Variants in PLCB4 observed in about 807,000 individuals in gnomAD.
The protein encoded by PLCB4 is 1-phosphatidylinositol 4,5-bisphosphate phosphodiesterase beta-4.
In PLCB4, 77 loss-of-function variants were observed where a neutral mutation model predicts 178.8. The observed-to-expected ratio is 0.43, with a 90% CI of 0.36 to 0.52. The LOEUF (loss-of-function observed/expected upper bound fraction) is 0.52, where lower values mean the gene tolerates loss of function less well. Among genes scored for constraint, PLCB4 ranks in the 20% least tolerant of loss-of-function variants. The pLI is 0.00. For synonymous variants in PLCB4, 496 were observed against 490.8 expected, an observed-to-expected ratio of 1.01 and a Z score of -0.14; for missense variants, 1,024 against 1,453.4, an observed-to-expected ratio of 0.70 and a Z score of 4.80.
chr20:9,438,475 T>C (rs1359725979), intron 30 of PLCB4, among the ~76,000 whole-genome samples: 2 of 151,544 alleles, frequency 1.3e-5, no homozygotes, highest in South Asian at 2.1e-4. Context: ...ATCCCAGAGA[T>C]AGATTGTACC....
In PLCB4 at chr20:9,129,325, C is replaced by G. The variant is rs1209150170; in HGVS notation, c.-79+32983C>G. ...ATTGGTGTATAACTATACCAGGTCC[C>G]TTGCTTCTGGGGTGGAATAACTGGA... On this transcript the variant is annotated intron_variant, in intron 2 of 39. Coordinates refer to ENST00000378473, the MANE Select transcript of PLCB4 (RefSeq NM_001377142.1). Among the ~76,000 whole-genome samples, 3 of 152,136 alleles carry G rather than the reference C, an allele frequency of 2.0e-5. No individual in the cohort carries two copies. The East Asian group carries it at 5.8e-4, about 29-fold the overall frequency.
intron 3 of PLCB4, among the ~76,000 whole-genome samples, chr20:9,254,101 G>C (rs961688724): frequency 2.6e-5 from 4 of 152,182 alleles, no homozygotes; most frequent in African/African-American, 9.7e-5. Flanking sequence ...CTTCTGTGCA[G>C]TATACATTTC....
At chr20:9,303,483 G>T (rs950498661) in intron 3 of PLCB4, among the ~76,000 whole-genome samples, 26 of 152,142 alleles carry the variant, frequency 1.7e-4, no homozygotes, top group African/African-American at 5.8e-4. Context: ...ATGTTCTCCA[G>T]TTCCATCCAT....
rs1388548066 is a variant in PLCB4 at position 9,423,745 on chromosome 20, C to T, written c.2320-3C>T. 1 of 1,612,178 alleles carries T rather than the reference C, an allele frequency of 6.2e-7. No homozygotes were observed. The highest frequency in any genetic ancestry group is 1.7e-5 in the Admixed American group (1 of 59,910). On this transcript the variant is annotated splice_polypyrimidine_tract_variant and splice_region_variant and intron_variant, in intron 27 of 39. Transcript: ENST00000378473. The stretch of plus-strand genomic sequence containing the variant: ...ATCAGTGAAAGTCCTGTTCTGTTTG[C>T]AGGTGATCCTGCCGGACCTGGCTGT...
intron 28 of PLCB4, among the ~76,000 whole-genome samples, chr20:9,426,384 A>G (rs988933467): frequency 1.3e-5 from 2 of 151,796 alleles, no homozygotes; most frequent in Non-Finnish European, 2.9e-5. Context: ...CTGTTTGTTT[A>G]TTTATTTATT....
intron 3 of PLCB4, among the ~76,000 whole-genome samples, chr20:9,220,374 T>C (rs2093783405): frequency 6.6e-6 from 1 of 152,220 alleles, no homozygotes; most frequent in Non-Finnish European, 1.5e-5. Context: ...CGGTGGCTCA[T>C]GCCACCCAGC....
At chr20:9,247,394 A>G (rs753248281) in intron 3 of PLCB4, among the ~76,000 whole-genome samples, 83 of 152,184 alleles carry the variant, frequency 5.5e-4, no homozygotes, top group African/African-American at 1.9e-3. Flanking sequence ...TAGGCAAGAC[A>G]TTTCTGAACA....
intron 1 of PLCB4, among the ~76,000 whole-genome samples, chr20:9,087,362 A>G (rs910819934): frequency 6.6e-6 from 1 of 152,182 alleles, no homozygotes; most frequent in Admixed American, 6.5e-5. Flanking sequence ...GGTTTGTTGG[A>G]TGGGCCACAC....
chr20:9,242,435 G>A (rs907316150), intron 3 of PLCB4, among the ~76,000 whole-genome samples: 1 of 152,354 alleles, frequency 6.6e-6, no homozygotes, highest in Middle Eastern at 3.4e-3. Flanking sequence ...CAAAGGGATG[G>A]CTCCTTTGTC....
At chr20:9,359,753 C>T (rs2035158505) in intron 7 of PLCB4, among the ~76,000 whole-genome samples, 1 of 152,174 alleles carries the variant, frequency 6.6e-6, no homozygotes, top group Admixed American at 6.5e-5. Flanking sequence ...ACCACACGAG[C>T]TTATTTTCAG....
intron 1 of PLCB4, among the ~76,000 whole-genome samples, chr20:9,070,710 T>C (rs928722850): frequency 2.6e-5 from 4 of 152,234 alleles, no homozygotes; most frequent in Admixed American, 2.6e-4. Flanking sequence ...TAAGACTTGC[T>C]GCCAGACGAG....
At chr20:9,150,484 G>A (rs1475094901) in intron 2 of PLCB4, among the ~76,000 whole-genome samples, 2 of 152,250 alleles carry the variant, frequency 1.3e-5, no homozygotes, top group East Asian at 3.9e-4. Context: ...TTACCCATAG[G>A]TTCTTGTATC....
chr20:9,393,787 G>A, intron 18 of PLCB4, 109 bp downstream of exon 18: 5 of 668,880 alleles, frequency 7.5e-6, no homozygotes, highest in Non-Finnish European at 1.3e-5. Context: ...GGGGAAGGGT[G>A]TAGGGGTGAT....
At chr20:9,216,835 C>G (rs1178712320) in intron 2 of PLCB4, among the ~76,000 whole-genome samples, 2 of 152,144 alleles carry the variant, frequency 1.3e-5, no homozygotes, top group Non-Finnish European at 2.9e-5. Context: ...CCACCTGGAA[C>G]TTTTCCTCCC....
chr20:9,205,219 T>G (rs2093601729), intron 2 of PLCB4, among the ~76,000 whole-genome samples: 1 of 152,220 alleles, frequency 6.6e-6, no homozygotes, highest in Non-Finnish European at 1.5e-5. Flanking sequence ...CCGTGAGATA[T>G]TCAACGCTTA....
chr20:9,205,171 C>T (rs1339554661), intron 2 of PLCB4, among the ~76,000 whole-genome samples: 2 of 152,194 alleles, frequency 1.3e-5, no homozygotes, highest in Admixed American at 1.3e-4. Flanking sequence ...CAGTGAGCCA[C>T]AGCTCCAAGT....
At chr20:9,475,703 G>T (rs1603113741) in intron 38 of PLCB4, among the ~76,000 whole-genome samples, 1 of 152,258 alleles carries the variant, frequency 6.6e-6, no homozygotes, top group Non-Finnish European at 1.5e-5. Flanking sequence ...TTCAATCCCA[G>T]ATCTTTCTAG....
intron 30 of PLCB4, among the ~76,000 whole-genome samples, chr20:9,439,825 A>G (rs1376375808): frequency 3.3e-5 from 5 of 152,246 alleles, no homozygotes; most frequent in Admixed American, 6.5e-5. Flanking sequence ...CAAAAGTTTG[A>G]AGACCATTAA....
chr20:9,314,100 G>C (rs2094870099), intron 4 of PLCB4, among the ~76,000 whole-genome samples: 1 of 152,164 alleles, frequency 6.6e-6, no homozygotes. Context: ...CTATTGAGGG[G>C]GTAAGGGGAT....
Sources: gnomAD v4.1 joint callset for allele counts (sites outside exome capture counted in the v4.1 genomes callset) on GRCh38, gnomAD v4.1.1 for gene constraint, MANE v1.5 for transcripts, NCBI Gene and HGNC (gene_info 2026-07-23, HGNC 2026-07-21) for gene names.